The following OPALIN variants were observed in gnomAD, a reference collection of about 807,000 sequenced individuals.
OPALIN encodes oligodendrocytic myelin paranodal and inner loop protein.
Under a neutral mutation model 17.8 loss-of-function variants are expected in OPALIN, and 15 were observed. That is an observed-to-expected ratio of 0.84 (90% CI 0.56 to 1.29). The LOEUF (loss-of-function observed/expected upper bound fraction) is 1.29. Ranked by LOEUF, OPALIN falls within the 50% of genes most tolerant of loss-of-function variation. The pLI, the probability that OPALIN is intolerant of heterozygous loss-of-function variation, is 0.00. For synonymous variants in OPALIN, 62 were observed against 63.8 expected (o/e 0.97, Z 0.14); for missense variants, 170 against 176.0 (o/e 0.97, Z 0.19).
intron 1 of OPALIN, among the ~76,000 whole-genome samples, chr10:96,357,585 G>A (rs1470413014): frequency 6.6e-6 from 1 of 152,122 alleles, no homozygotes; most frequent in Non-Finnish European, 1.5e-5. Flanking sequence ...TATTCTCCAA[G>A]GCTCAGTTTT....
At chr10:96,350,869 G>C (rs947733495) in intron 3 of OPALIN, among the ~76,000 whole-genome samples, 6 of 152,140 alleles carry the variant, frequency 3.9e-5, no homozygotes, top group Admixed American at 3.9e-4. Context: ...AAGTGCAACT[G>C]TTATTTAATA....
intron 5 of OPALIN, 147 bp from the exon 6 acceptor site, chr10:96,346,264 A>G (rs1489021514): frequency 4.4e-6 from 3 of 679,396 alleles, no homozygotes; most frequent in Non-Finnish European, 7.6e-6. Context: ...GACACTAGAC[A>G]ACAGGCAAGG....
chr10:96,352,374 AT>A (rs1206531230), intron 2 of OPALIN, among the ~76,000 whole-genome samples: 1 of 152,132 alleles, frequency 6.6e-6, no homozygotes. Context: ...CAGAGAAGTT[AT>A]GGGGCTTGTC....
Position 96,358,970 on chromosome 10 carries a change from T to TA in OPALIN, c.-75_-74insT, listed in dbSNP as rs781671000. On this transcript the variant is annotated 5_prime_UTR_variant, in exon 1 of 6. The change abolishes the stop of an existing upstream ORF in the 5' untranslated region. Coordinates refer to ENST00000371172, the MANE Select transcript of OPALIN (RefSeq NM_033207.5). The stretch of plus-strand genomic sequence containing the variant: ...TCCTTTCTCACTGGCTTTATTGGCT[T>TA]GTGTCTTTCATTTGTAGGAACAGTT... 6.5e-6 allele frequency: 10 copies of TA among 1,535,282 alleles called. No homozygotes were observed. Among genetic ancestry groups the TA allele is most frequent in the Admixed American group, 1.7e-5 (1 of 59,712 alleles).
At chr10:96,355,171 G>A in intron 2 of OPALIN, 84 bp downstream of exon 2, 3 of 889,066 alleles carry the variant, frequency 3.4e-6, no homozygotes, top group Non-Finnish European at 5.4e-6. Context: ...TGTGTGAGGG[G>A]TTTATGTGAG....
At chr10:96,351,969 T>A (rs1474085991) in intron 2 of OPALIN, among the ~76,000 whole-genome samples, 2 of 152,104 alleles carry the variant, frequency 1.3e-5, no homozygotes, top group African/African-American at 4.8e-5. Flanking sequence ...CAGGCAAGAG[T>A]TTACCTTGAT....
rs1786089759 is a variant in OPALIN at position 96,344,676 on chromosome 10, C to T, written c.*1265G>A. Reference sequence around the variant, plus strand: ...TCCTCAGCAAGCTGAAGCGGCAATGCTATGCGTGGGCTTAAGGGCTCTTGT... The same window carrying T: ...TCCTCAGCAAGCTGAAGCGGCAATGTTATGCGTGGGCTTAAGGGCTCTTGT... On this transcript the variant is annotated 3_prime_UTR_variant, in exon 6 of 6. Transcript: ENST00000371172. The T allele has an allele frequency of 6.6e-6, 1 of 152,076 alleles. No individual in the cohort carries two copies. Among genetic ancestry groups the T allele is most frequent in the Admixed American group, 6.5e-5 (1 of 15,276 alleles). 9.4% of individuals were successfully genotyped at this position (152,076 alleles called of 1,614,324 possible). A position where few individuals can be genotyped will look rare whatever the true frequency, so the allele number is the denominator to read the frequency against.
intron 4 of OPALIN, among the ~76,000 whole-genome samples, chr10:96,349,160 G>T (rs1845462948): frequency 6.6e-6 from 1 of 152,128 alleles, no homozygotes; most frequent in Non-Finnish European, 1.5e-5. Flanking sequence ...ACACAGTTGT[G>T]TCACAACCAT....
At position 96,358,167 on chromosome 10, in the gene OPALIN, C is replaced by T. The variant is rs867262818; in HGVS notation, c.3+727G>A. On this transcript the variant is annotated intron_variant, in intron 1 of 5. Coordinates refer to ENST00000371172, the MANE Select transcript of OPALIN (RefSeq NM_033207.5). Reference sequence around the variant, plus strand: ...TAACTCCACAGACTGAGCTCTACTCCTTTTAACAATGCTTTTTGTAAAAAA... The same window carrying T: ...TAACTCCACAGACTGAGCTCTACTCTTTTTAACAATGCTTTTTGTAAAAAA... Among the ~76,000 whole-genome samples, 9 of 105,162 alleles carry T rather than the reference C, an allele frequency of 8.6e-5. No individual in the cohort carries two copies. The South Asian group carries it at 2.2e-3, about 25-fold the overall frequency. The allele number at this position is 105,162 out of a possible 152,430, so 69.0% of individuals were successfully genotyped here.
At chr10:96,357,234 C>T in intron 1 of OPALIN, 1 of 854,288 alleles carries the variant, frequency 1.2e-6, no homozygotes, top group South Asian at 5.3e-5. Context: ...GACAAAGCTT[C>T]CTTTGGGAGG....
At chr10:96,357,369 C>T (rs1361534741) in intron 1 of OPALIN, among the ~76,000 whole-genome samples, 1 of 152,222 alleles carries the variant, frequency 6.6e-6, no homozygotes, top group Non-Finnish European at 1.5e-5. Flanking sequence ...CAGTACAGTG[C>T]TCTCATGGAG....
In OPALIN at chr10:96,355,368, C is replaced by T. The variant is rs1466289776; in HGVS notation, c.4-78G>A. The T allele has an allele frequency of 1.3e-5, 17 of 1,344,500 alleles. No homozygotes were observed. The Admixed American group carries it at 2.9e-4, about 23-fold the overall frequency. The allele number at this position is 1,344,500 out of a possible 1,614,324, so 83.3% of individuals were successfully genotyped here. On this transcript the variant is annotated intron_variant, in intron 1 of 5. Coordinates refer to ENST00000371172, the MANE Select transcript of OPALIN (RefSeq NM_033207.5). ...TCCTCACTTCCTCAAACTCACTGAC[C>T]CTGGTGGATTCCGAGAGGTCATTGA...
chr10:96,352,515 A>C (rs1340176835), intron 2 of OPALIN, among the ~76,000 whole-genome samples: 3 of 151,962 alleles, frequency 2.0e-5, no homozygotes, highest in African/African-American at 7.3e-5. Context: ...TGGTACTTAA[A>C]TGGTTGTCCT....
intron 1 of OPALIN, among the ~76,000 whole-genome samples, chr10:96,356,623 C>T (rs1233650313): frequency 6.6e-6 from 1 of 152,208 alleles, no homozygotes; most frequent in African/African-American, 2.4e-5. Context: ...CCTATTTCAG[C>T]TGACTTACTG....
At chr10:96,356,989 G>C in intron 1 of OPALIN, 1 of 985,480 alleles carries the variant, frequency 1.0e-6, no homozygotes, top group Non-Finnish European at 1.2e-6. Context: ...GGATGAATCA[G>C]AGCACCCAGG....
chr10:96,351,335 A>T lies in OPALIN; in HGVS notation c.72+43T>A, dbSNP rs775423859. ...AACAAATGCTCAAGATGGATGGAGC[A>T]TTATTATTATCCCCATTTTATAAAT... On this transcript the variant is annotated intron_variant, in intron 3 of 5. Transcript: ENST00000371172. The T allele has an allele frequency of 1.2e-5, 14 of 1,147,166 alleles. No individual in the cohort carries two copies. The East Asian group carries it at 3.4e-4, about 28-fold the overall frequency. 71.1% of individuals were successfully genotyped at this position (1,147,166 alleles called of 1,614,324 possible).
chr10:96,347,292 C>T (rs1209467557), intron 5 of OPALIN, among the ~76,000 whole-genome samples: 2 of 151,998 alleles, frequency 1.3e-5, no homozygotes, highest in African/African-American at 4.8e-5. Flanking sequence ...ATGGGGTTCA[C>T]CATGTTGGCC....
rs952548909 is a variant in OPALIN, at chr10:96,349,739, G to A, written c.160C>T (p.His54Tyr). 4 of 1,613,842 alleles carry A rather than the reference G, an allele frequency of 2.5e-6. No homozygotes were observed. The African/African-American group carries it at 5.3e-5, about 22-fold the overall frequency. Residue 54 changes from histidine to tyrosine, a missense_variant, in exon 4 of 6, where the codon CAC becomes TAC. His to Tyr is a moderately conservative substitution (Grantham distance 83). Transcript: ENST00000371172. ...LLVALLFTLIHRRRSSIEAME... is the reference protein window; with the variant it reads ...LLVALLFTLIYRRRSSIEAME... ...GCCTCAATGCTGCTTCTTCTTCGGT[G>A]AATCAAAGTAAATAGTAAAGCCACC... is the stretch of plus-strand genomic sequence containing the variant.
In OPALIN at chr10:96,357,354, A is replaced by C. The variant is rs553716814; in HGVS notation, c.3+1540T>G. The stretch of plus-strand genomic sequence containing the variant: ...TCAGAAAGACACTCATATTTTGTAG[A>C]AACACAGTACAGTGCTCTCATGGAG... On this transcript the variant is annotated intron_variant, in intron 1 of 5. Coordinates refer to ENST00000371172, the MANE Select transcript of OPALIN (RefSeq NM_033207.5). Among the ~76,000 whole-genome samples, 3 of 152,356 alleles carry C rather than the reference A, an allele frequency of 2.0e-5. No homozygotes were observed. In the East Asian group the frequency reaches 5.8e-4, roughly 29 times the overall value.
Sources: gnomAD v4.1 joint callset for allele counts (sites outside exome capture counted in the v4.1 genomes callset) on GRCh38, gnomAD v4.1.1 for gene constraint, MANE v1.5 for transcripts, NCBI Gene and HGNC (gene_info 2026-07-23, HGNC 2026-07-21) for gene names.